The following DPY19L1 variants were observed in gnomAD, a reference collection of about 807,000 sequenced individuals.
DPY19L1 encodes the protein dpy-19 like C-mannosyltransferase 1, also known as protein C-mannosyl-transferase DPY19L1.
DPY19L1 carries 35 observed loss-of-function variants against 96.9 expected under a neutral mutation model. The observed-to-expected ratio is 0.36, with a 90% CI of 0.28 to 0.48. The LOEUF (loss-of-function observed/expected upper bound fraction) is 0.48, where lower values mean the gene tolerates loss of function less well. Among genes scored for constraint, DPY19L1 ranks in the 20% least tolerant of loss-of-function variants. The pLI, the probability that DPY19L1 is intolerant of heterozygous loss-of-function variation, is 0.99. For synonymous variants in DPY19L1, 205 were observed against 252.6 expected, an observed-to-expected ratio of 0.81 and a Z score of 1.79; for missense variants, 521 against 777.9, an observed-to-expected ratio of 0.67 and a Z score of 3.93.
intron 14 of DPY19L1, among the ~76,000 whole-genome samples, chr7:34,949,059 G>C (rs929158415): frequency 3.3e-5 from 5 of 152,192 alleles, no homozygotes; most frequent in African/African-American, 7.2e-5. Context: ...CTCTGAAGGA[G>C]TGACACAGAT....
chr7:34,932,813 A>C (rs1158965730), intron 21 of DPY19L1, among the ~76,000 whole-genome samples: 1 of 152,188 alleles, frequency 6.6e-6, no homozygotes, highest in Non-Finnish European at 1.5e-5. Flanking sequence ...AAACATGGGA[A>C]AATTATAGAG....
At chr7:35,004,396 G>A (rs766541361) in intron 6 of DPY19L1, among the ~76,000 whole-genome samples, 2 of 152,226 alleles carry the variant, frequency 1.3e-5, no homozygotes, top group Non-Finnish European at 2.9e-5. Context: ...ATATTTAAGG[G>A]TAAACACATG....
Position 34,954,787 on chromosome 7 carries a change from A to G in DPY19L1, c.1240-9T>C. ...AAACATCCTTGAATAACCTAAACAA[A>G]AGAAAACAAAAATAACTTTGATGCT... is the stretch of plus-strand genomic sequence containing the variant. On this transcript the variant is annotated splice_polypyrimidine_tract_variant and intron_variant, in intron 12 of 21. Coordinates refer to ENST00000638088, the MANE Select transcript of DPY19L1 (RefSeq NM_001366673.1). 1 of 1,481,622 alleles carries G rather than the reference A, an allele frequency of 6.7e-7. No homozygotes were observed. Among genetic ancestry groups the G allele is most frequent in the Non-Finnish European group, 9.2e-7 (1 of 1,083,230 alleles). 91.8% of individuals were successfully genotyped at this position (1,481,622 alleles called of 1,614,324 possible).
rs1015805344 is a variant in DPY19L1, at chr7:34,930,701, T to C, written c.*872A>G. ...TTCAAAATAGTTTTTCTTAAAACTA[T>C]AATTAAACATGAAAAAACTTTAAAG... On this transcript the variant is annotated 3_prime_UTR_variant, in exon 22 of 22. Transcript: ENST00000638088. 2.0e-5 allele frequency: 3 copies of C among 152,144 alleles called. No homozygotes were observed. The highest frequency in any genetic ancestry group is 7.2e-5 in the African/African-American group (3 of 41,442). The allele number at this position is 152,144 out of a possible 1,614,324, so 9.4% of individuals were successfully genotyped here.
intron 10 of DPY19L1, among the ~76,000 whole-genome samples, chr7:34,962,822 C>T (rs112769535): frequency 2.0e-5 from 3 of 152,116 alleles, no homozygotes; most frequent in South Asian, 4.2e-4. Context: ...CACTCTGGTG[C>T]GGGATGTCAA....
rs868341632 is a variant in DPY19L1, at chr7:35,018,674, A to T, written c.299-78T>A. On this transcript the variant is annotated intron_variant, in intron 1 of 21. Coordinates refer to ENST00000638088, the MANE Select transcript of DPY19L1 (RefSeq NM_001366673.1). ...TACAGAAAAGCCATTTCAAAGATAA[A>T]GCATGTCAAATATTGAAATGTGTAA... 1.2e-5 allele frequency: 15 copies of T among 1,289,434 alleles called. No homozygotes were observed. The South Asian group carries it at 1.4e-4, about 12-fold the overall frequency. 79.9% of individuals were successfully genotyped at this position (1,289,434 alleles called of 1,614,324 possible).
At chr7:34,985,845 A>G (rs975471798) in intron 7 of DPY19L1, among the ~76,000 whole-genome samples, 2 of 152,060 alleles carry the variant, frequency 1.3e-5, no homozygotes, top group Admixed American at 6.6e-5. Flanking sequence ...TACATCAGAG[A>G]TATCTGCACT....
chr7:34,982,237 C>T (rs1774956563), intron 7 of DPY19L1, among the ~76,000 whole-genome samples: 1 of 152,052 alleles, frequency 6.6e-6, no homozygotes, highest in African/African-American at 2.4e-5. Context: ...TAAGGTATTA[C>T]TGTGTAATTA....
chr7:35,024,243 C>T (rs1424765335), intron 1 of DPY19L1, among the ~76,000 whole-genome samples: 2 of 152,136 alleles, frequency 1.3e-5, no homozygotes, highest in African/African-American at 4.8e-5. Context: ...ACCTAAAGCA[C>T]GCTAAAGACT....
At chr7:35,030,421 G>A (rs935080540) in intron 1 of DPY19L1, among the ~76,000 whole-genome samples, 1 of 152,224 alleles carries the variant, frequency 6.6e-6, no homozygotes, top group Non-Finnish European at 1.5e-5. Context: ...TAGTGCTACT[G>A]TAAACTAGTA....
chr7:34,962,480 T>C (rs1784520459), intron 10 of DPY19L1, among the ~76,000 whole-genome samples: 1 of 152,178 alleles, frequency 6.6e-6, no homozygotes, highest in East Asian at 1.9e-4. Flanking sequence ...AGAAGAGCTT[T>C]ATGGCTGTGA....
chr7:35,021,573 C>A (rs1053776423), intron 1 of DPY19L1, among the ~76,000 whole-genome samples: 1 of 152,198 alleles, frequency 6.6e-6, no homozygotes, highest in African/African-American at 2.4e-5. Flanking sequence ...CTTGTACTAG[C>A]CAGATAAATC....
chr7:34,992,146 T>A (rs2128672801), intron 6 of DPY19L1, among the ~76,000 whole-genome samples: 1 of 152,308 alleles, frequency 6.6e-6, no homozygotes, highest in South Asian at 2.1e-4. Context: ...CCACCCCTCG[T>A]GCAGACTCAT....
At chr7:34,936,907 G>A (rs1783880312) in intron 21 of DPY19L1, among the ~76,000 whole-genome samples, 1 of 152,202 alleles carries the variant, frequency 6.6e-6, no homozygotes, top group South Asian at 2.1e-4. Flanking sequence ...TGGTGGGAAA[G>A]TGTGATCAAG....
chr7:34,974,420 T>A (rs1489705585), intron 7 of DPY19L1, among the ~76,000 whole-genome samples: 2 of 152,182 alleles, frequency 1.3e-5, no homozygotes, highest in African/African-American at 2.4e-5. Context: ...CAGAAATAAG[T>A]GTTTCCTATA....
At chr7:34,941,225 A>T (rs1784006482) in intron 18 of DPY19L1, among the ~76,000 whole-genome samples, 1 of 152,192 alleles carries the variant, frequency 6.6e-6, no homozygotes, top group South Asian at 2.1e-4. Context: ...ACTGATGGAA[A>T]GGTGACACTA....
chr7:35,016,099 T>C (rs1313983855), intron 3 of DPY19L1, among the ~76,000 whole-genome samples: 2 of 152,200 alleles, frequency 1.3e-5, no homozygotes, highest in Non-Finnish European at 2.9e-5. Flanking sequence ...TTCTCTTCAG[T>C]AAAAAGGCCA....
chr7:34,940,378 ATCTG>A, intron 18 of DPY19L1, 51 bp from the exon 19 acceptor site: 1 of 1,497,758 alleles, frequency 6.7e-7, no homozygotes, highest in Non-Finnish European at 9.0e-7. Context: ...AGTAGTATGC[ATCTG>A]TTATGCAAAA....
intron 6 of DPY19L1, among the ~76,000 whole-genome samples, 173 bp downstream of exon 6, chr7:35,010,295 A>C (rs1785674686): frequency 6.6e-6 from 1 of 152,156 alleles, no homozygotes; most frequent in South Asian, 2.1e-4. Flanking sequence ...AACTATCTTA[A>C]GTGTGATGGG....
Sources: allele counts gnomAD v4.1 joint callset (sites outside exome capture counted in the v4.1 genomes callset), GRCh38; gene constraint gnomAD v4.1.1; transcripts MANE v1.5; gene names NCBI Gene and HGNC (gene_info 2026-07-23, HGNC 2026-07-21).